The following FAM111B variants were observed in gnomAD, a reference collection of about 807,000 sequenced individuals.
FAM111B encodes the protein FAM111 trypsin like peptidase B, also known as serine protease FAM111B.
FAM111B carries 1 observed loss-of-function variant against 2.8 expected under a neutral mutation model. The observed-to-expected ratio is 0.36, with a 90% CI of 0.13 to 1.70. The LOEUF is 1.70. Ranked by LOEUF, FAM111B falls within the 40% of genes most tolerant of loss-of-function variation. FAM111B has a pLI of 0.35. For synonymous variants in FAM111B, 297 were observed against 295.6 expected (o/e 1.00, Z -0.05); for missense variants, 882 against 878.9 (o/e 1.00, Z -0.04).
chr11:59,123,412 G>A lies in FAM111B; in HGVS notation c.82-767G>A, dbSNP rs1397284048. Among the ~76,000 whole-genome samples, 3 of 152,248 alleles carry A rather than the reference G, an allele frequency of 2.0e-5. No individual in the cohort carries two copies. The East Asian group carries it at 5.8e-4, about 29-fold the overall frequency. On this transcript the variant is annotated intron_variant, in intron 3 of 3. Coordinates refer to ENST00000343597, the MANE Select transcript of FAM111B (RefSeq NM_198947.4). Reference sequence around the variant, plus strand: ...CTTGAGCAGCTGGAGAGAAGAGATGGGGTGAGTTGATACAATTCTCTGGAA... The same window carrying A: ...CTTGAGCAGCTGGAGAGAAGAGATGAGGTGAGTTGATACAATTCTCTGGAA...
At position 59,108,477 on chromosome 11, in the gene FAM111B, G is replaced by A. The variant is rs114419712; in HGVS notation, c.-131-191G>A. ...TCTCAGCTTTGTCTCCTTAAATCTG[G>A]AATTCCTACTGGTTTTGTCTTGCTG... On this transcript the variant is annotated intron_variant, in intron 1 of 3. Coordinates refer to ENST00000343597, the MANE Select transcript of FAM111B (RefSeq NM_198947.4). Among the ~76,000 whole-genome samples, 639 of 152,206 alleles carry A rather than the reference G, an allele frequency of 4.2e-3. 9 individuals are homozygous for A. The highest frequency in any genetic ancestry group is 0.014 in the African/African-American group (593 of 41,516).
At chr11:59,113,376 G>A (rs1859789449) in intron 3 of FAM111B, among the ~76,000 whole-genome samples, 1 of 152,174 alleles carries the variant, frequency 6.6e-6, no homozygotes, top group Non-Finnish European at 1.5e-5. Flanking sequence ...GGCAGAGCAG[G>A]GAGTGGGTGA....
At chr11:59,118,162 G>GC (rs1376031208) in intron 3 of FAM111B, among the ~76,000 whole-genome samples, 3 of 152,020 alleles carry the variant, frequency 2.0e-5, no homozygotes, top group African/African-American at 7.2e-5. Flanking sequence ...GGCATAATTT[G>GC]CAAAAAGGAG....
intron 3 of FAM111B, among the ~76,000 whole-genome samples, chr11:59,120,840 A>G (rs1415768608): frequency 6.6e-6 from 1 of 152,212 alleles, no homozygotes; most frequent in East Asian, 1.9e-4. Context: ...ACTAGGGATT[A>G]GGACTGTAAT....
In FAM111B at chr11:59,125,933, T is replaced by G. The variant is rs752196647; in HGVS notation, c.1836T>G (p.Asp612Glu). 2 of 1,613,818 alleles carry G rather than the reference T, an allele frequency of 1.2e-6. No individual in the cohort carries two copies. Among genetic ancestry groups the G allele is most frequent in the Non-Finnish European group, 1.7e-6 (2 of 1,179,824 alleles). ...ACGATTGTCAAGATGGGTTGGTAGATCTCTATGATACCACCAGTAATGTAT... is the reference window on the plus strand; with the variant it reads ...ACGATTGTCAAGATGGGTTGGTAGAGCTCTATGATACCACCAGTAATGTAT... ...YPNDCQDGLV[D>E]LYDTTSNVYC... Residue 612 changes from aspartate to glutamate, a missense_variant, in exon 4 of 4, where the codon GAT becomes GAG. Transcript: ENST00000343597.
At chr11:59,114,215 AGT>A (rs2135397723) in intron 3 of FAM111B, among the ~76,000 whole-genome samples, 1 of 152,202 alleles carries the variant, frequency 6.6e-6, no homozygotes, top group East Asian at 1.9e-4. Context: ...CCAGGGCCTG[AGT>A]GATCACTGTA....
chr11:59,116,906 G>A (rs1024011216), intron 3 of FAM111B, among the ~76,000 whole-genome samples: 2 of 152,224 alleles, frequency 1.3e-5, no homozygotes, highest in African/African-American at 2.4e-5. Context: ...AACGTGAGAG[G>A]TCATGGGCAA....
rs1374984409 is a variant in FAM111B at position 59,126,102 on chromosome 11, C to CT, written c.2011dup (p.Tyr671LeufsTer6). 12 of 1,613,264 alleles carry CT rather than the reference C, an allele frequency of 7.4e-6. No homozygotes were observed. The highest frequency in any genetic ancestry group is 3.3e-5 in the South Asian group (3 of 90,992). Reference sequence around the variant, plus strand: ...ATTGGTTGCTTTGCATACCTTTGGGCTTTTTTATCAACGAGGATTTAATGT... The same window carrying CT: ...ATTGGTTGCTTTGCATACCTTTGGGCTTTTTTTATCAACGAGGATTTAATGT... On this transcript the variant is annotated frameshift_variant, in exon 4 of 4. Coordinates refer to ENST00000343597, the MANE Select transcript of FAM111B (RefSeq NM_198947.4). LOFTEE classifies it low-confidence loss of function (END_TRUNC).
Position 59,124,693 on chromosome 11 carries a change from T to C in FAM111B, c.596T>C (p.Val199Ala). ...ATAGGAAGGACAAGAAAGAAGATTG[T>C]TAAGATCAACGAACTTCATGAAAAA... is the stretch of plus-strand genomic sequence containing the variant. Reference protein sequence around the residue: ...VAIGRTRKKIVKINELHEKGS... With the variant: ...VAIGRTRKKIAKINELHEKGS... Residue 199 changes from valine to alanine, a missense_variant, in exon 4 of 4, where the codon GTT becomes GCT. By Grantham distance (64) the Val-to-Ala change is moderately conservative (BLOSUM62 0). Transcript: ENST00000343597. The C allele has an allele frequency of 6.2e-7, 1 of 1,613,780 alleles. No individual in the cohort carries two copies. The highest frequency in any genetic ancestry group is 8.5e-7 in the Non-Finnish European group (1 of 1,179,794).
At position 59,124,895 on chromosome 11, in the gene FAM111B, G is replaced by A. The variant is rs1390724407; in HGVS notation, c.798G>A (p.Met266Ile). 1.3e-6 allele frequency: 2 copies of A among 1,599,226 alleles called. No homozygotes were observed. The highest frequency in any genetic ancestry group is 1.7e-6 in the Non-Finnish European group (2 of 1,175,890). The change falls in exon 4 of 4, where the codon ATG becomes ATA. Residue 266 changes from methionine (M) to isoleucine (I), a missense_variant. Met to Ile is a conservative substitution (Grantham distance 10). Transcript: ENST00000343597. ...AAGTATCTGGAAAAGTCTTAGAAAT[G>A]GACATTTCAAAAAAAAAAGCATTAC... ...VDEVSGKVLE[M>I]DISKKKALQQ...
At chr11:59,117,741 G>T (rs983476126) in intron 3 of FAM111B, among the ~76,000 whole-genome samples, 1 of 152,172 alleles carries the variant, frequency 6.6e-6, no homozygotes, top group Non-Finnish European at 1.5e-5. Context: ...CGCACCCCAG[G>T]CAAAGCCTTC....
intron 1 of FAM111B, among the ~76,000 whole-genome samples, 163 bp downstream of exon 1, chr11:59,107,459 C>G (rs7945399): frequency 6.4e-4 from 97 of 152,302 alleles, no homozygotes; most frequent in African/African-American, 2.3e-3. Context: ...GCTTCAAAGG[C>G]CAAGAGTTGT....
Position 59,125,614 on chromosome 11 carries a change from CAGATATA to C in FAM111B, c.1519_1525del (p.Asp507LeufsTer7). ...AAAAACACACATCCAAGTTTGTGGC[CAGATATA>C]ATTAGCAAATGTGCGAAGGTAACCT... On this transcript the variant is annotated frameshift_variant, in exon 4 of 4. Transcript: ENST00000343597. LOFTEE classifies it low-confidence loss of function (END_TRUNC). 1 of 1,613,876 alleles carries C rather than the reference CAGATATA, an allele frequency of 6.2e-7. No individual in the cohort carries two copies. Among genetic ancestry groups the C allele is most frequent in the Admixed American group, 1.7e-5 (1 of 59,998 alleles).
chr11:59,109,167 T>G (rs1358348729), intron 2 of FAM111B, among the ~76,000 whole-genome samples: 1 of 152,224 alleles, frequency 6.6e-6, no homozygotes, highest in Non-Finnish European at 1.5e-5. Flanking sequence ...GTACTTCTTT[T>G]CCTGTTCCTT....
chr11:59,112,466 C>CATTT (rs1161708029), intron 3 of FAM111B, among the ~76,000 whole-genome samples: 3 of 152,176 alleles, frequency 2.0e-5, no homozygotes, highest in African/African-American at 7.2e-5. Flanking sequence ...CTGTTGTGAA[C>CATTT]ATTTGCCTGC....
intron 3 of FAM111B, among the ~76,000 whole-genome samples, chr11:59,123,324 A>G (rs1859952197): frequency 6.6e-6 from 1 of 152,196 alleles, no homozygotes; most frequent in Non-Finnish European, 1.5e-5. Flanking sequence ...CAATTGGCAA[A>G]TATTTAAAAT....
At chr11:59,114,910 A>C (rs897034619) in intron 3 of FAM111B, among the ~76,000 whole-genome samples, 4 of 152,196 alleles carry the variant, frequency 2.6e-5, no homozygotes, top group Non-Finnish European at 5.9e-5. Flanking sequence ...GGCTTCTCTG[A>C]TAAGGTGATA....
In FAM111B at chr11:59,125,675, T is replaced by C; in HGVS notation, c.1578T>C (p.Pro526=). The C allele has an allele frequency of 6.2e-7, 1 of 1,613,926 alleles. No individual in the cohort carries two copies. Among genetic ancestry groups the C allele is most frequent in the East Asian group, 2.2e-5 (1 of 44,872 alleles). The part of the protein sequence containing the change: ...TFTYTEFCPT[P]DNWFSIEPWL... ...CTTATACAGAGTTCTGCCCTACTCC[T>C]GACAATTGGTTTTCCATTGAGCCAT... Residue 526 remains proline (P), a synonymous_variant, in exon 4 of 4, where the codon CCT becomes CCC. Transcript: ENST00000343597.
At position 59,125,447 on chromosome 11, in the gene FAM111B, C is replaced by T; in HGVS notation, c.1350C>T (p.Thr450=). 6.2e-7 allele frequency: 1 copy of T among 1,613,926 alleles called. No homozygotes were observed. ...CTGCAAATTCTGTTTCAGTTGCAAC[C>T]TGCGAACAGCTTACATATTATAGCA... ...KMTANSVSVA[T]CEQLTYYSKS... is the part of the protein sequence containing the mutation. Residue 450 remains threonine (T), a synonymous_variant, in exon 4 of 4, where the codon ACC becomes ACT. Coordinates refer to ENST00000343597, the MANE Select transcript of FAM111B (RefSeq NM_198947.4).
Sources: gnomAD v4.1 joint callset for allele counts (sites outside exome capture counted in the v4.1 genomes callset) on GRCh38, gnomAD v4.1.1 for gene constraint, MANE v1.5 for transcripts, NCBI Gene and HGNC (gene_info 2026-07-23, HGNC 2026-07-21) for gene names.